Variants in ANO3 observed in about 807,000 individuals in gnomAD.
ANO3 encodes anoctamin-3.
Under a neutral mutation model 144.8 loss-of-function variants are expected in ANO3, and 99 were observed. The ratio of observed to expected loss-of-function variants is 0.68; its 90% CI spans 0.58 to 0.81. The LOEUF (loss-of-function observed/expected upper bound fraction) is 0.81, where lower values mean the gene tolerates loss of function less well. Ranked by LOEUF, ANO3 falls within the 30% of genes least tolerant of loss-of-function variation. The pLI, the probability that ANO3 is intolerant of heterozygous loss-of-function variation, is 0.00. For missense variants in ANO3, 905 were observed against 1,202.2 expected (o/e 0.75, Z 3.66); for synonymous variants, 414 against 392.6 (o/e 1.05, Z -0.64).
chr11:26,422,079 C>T (rs938728753), intron 1 of ANO3, among the ~76,000 whole-genome samples: 1 of 152,024 alleles, frequency 6.6e-6, no homozygotes, highest in African/African-American at 2.4e-5. Context: ...CAAACCTGAA[C>T]TTGTACCCCT....
In ANO3 at chr11:26,442,130, T is replaced by G; in HGVS notation, c.241+18T>G. 1.2e-6 allele frequency: 2 copies of G among 1,601,348 alleles called. No individual in the cohort carries two copies. The highest frequency in any genetic ancestry group is 1.7e-6 in the Non-Finnish European group (2 of 1,175,958). Reference sequence around the variant, plus strand: ...AGAGCAAGGTGAGCAGCAATTCCTATTTTCTTGTTCAATTTATAAAAACTA... The same window carrying G: ...AGAGCAAGGTGAGCAGCAATTCCTAGTTTCTTGTTCAATTTATAAAAACTA... On this transcript the variant is annotated intron_variant, in intron 2 of 26. Transcript: ENST00000256737.
intron 14 of ANO3, among the ~76,000 whole-genome samples, chr11:26,577,559 C>T (rs1301286207): frequency 1.1e-5 from 1 of 88,020 alleles, no homozygotes; most frequent in African/African-American, 3.9e-5. Flanking sequence ...AGAGAGACTC[C>T]GTCTCAAAAA....
intron 1 of ANO3, among the ~76,000 whole-genome samples, chr11:26,223,088 G>A (rs1852181947): frequency 6.6e-6 from 1 of 151,702 alleles, no homozygotes; most frequent in Non-Finnish European, 1.5e-5. Flanking sequence ...AATTTTCCAG[G>A]CTTTTCTGCT....
chr11:26,456,647 C>G (rs1330886666), intron 3 of ANO3, among the ~76,000 whole-genome samples: 2 of 104,272 alleles, frequency 1.9e-5, no homozygotes, highest in Non-Finnish European at 1.9e-5. Context: ...CTAGTTCAAC[C>G]ATTGTGGAAG....
intron 14 of ANO3, among the ~76,000 whole-genome samples, chr11:26,569,565 G>C (rs917011158): frequency 3.3e-5 from 5 of 152,012 alleles, no homozygotes; most frequent in African/African-American, 1.2e-4. Context: ...GCTGGAGTAA[G>C]GTCCAGGAGA....
At chr11:26,304,278 C>A (rs192609963) in intron 1 of ANO3, among the ~76,000 whole-genome samples, 8 of 151,982 alleles carry the variant, frequency 5.3e-5, no homozygotes, top group African/African-American at 1.9e-4. Context: ...ATGTTGAGTA[C>A]CTATAGCAAT....
chr11:26,542,287 G>A (rs1849666823), intron 11 of ANO3, among the ~76,000 whole-genome samples: 2 of 152,054 alleles, frequency 1.3e-5, no homozygotes, highest in Admixed American at 1.3e-4. Context: ...TCTAAGGGAT[G>A]AGCAACAGCA....
intron 1 of ANO3, among the ~76,000 whole-genome samples, chr11:26,269,426 G>C (rs564713424): frequency 1.3e-5 from 2 of 152,070 alleles, no homozygotes; most frequent in African/African-American, 4.8e-5. Context: ...ATCTCTCTTG[G>C]GGCTCTCTCA....
chr11:26,293,058 AT>A (rs774015818), intron 1 of ANO3, among the ~76,000 whole-genome samples: 1 of 152,184 alleles, frequency 6.6e-6, no homozygotes, highest in Non-Finnish European at 1.5e-5. Flanking sequence ...CCCACCCCAT[AT>A]CTTTAAATTA....
intron 1 of ANO3, among the ~76,000 whole-genome samples, chr11:26,238,365 A>G (rs10834931): frequency 1.3e-5 from 2 of 152,106 alleles, no homozygotes; most frequent in African/African-American, 4.8e-5. Flanking sequence ...TTATTTTGAA[A>G]TATGTTCAAA....
chr11:26,368,230 G>A (rs1856148150), intron 1 of ANO3, among the ~76,000 whole-genome samples: 1 of 152,154 alleles, frequency 6.6e-6, no homozygotes, highest in Admixed American at 6.5e-5. Context: ...AAAGTGCTGA[G>A]AGAGCTCTCT....
chr11:26,193,006 C>CA, intron 1 of ANO3, among the ~76,000 whole-genome samples: 1 of 152,130 alleles, frequency 6.6e-6, no homozygotes, highest in East Asian at 1.9e-4. Flanking sequence ...TGGTTTGCTG[C>CA]ACCCATCAAC....
upstream of ANO3, among the ~76,000 whole-genome samples, chr11:26,329,831 G>A (rs1025809494): frequency 2.1e-5 from 2 of 96,426 alleles, no homozygotes; most frequent in Admixed American, 2.2e-4. Context: ...TTTTTTTTTT[G>A]AGACGGAGTC....
intron 1 of ANO3, among the ~76,000 whole-genome samples, chr11:26,419,090 C>T (rs958381819): frequency 3.3e-5 from 5 of 151,432 alleles, no homozygotes; most frequent in Non-Finnish European, 7.4e-5. Context: ...TCTGGGGAAG[C>T]CTCAGGAAAC....
intron 4 of ANO3, among the ~76,000 whole-genome samples, chr11:26,463,371 A>G (rs549368238): frequency 1.3e-5 from 2 of 151,974 alleles, no homozygotes; most frequent in South Asian, 4.1e-4. Flanking sequence ...AAAATACTTA[A>G]TCTGAAATGT....
chr11:26,516,206 C>G (rs984135082), intron 5 of ANO3, among the ~76,000 whole-genome samples: 3 of 151,720 alleles, frequency 2.0e-5, no homozygotes, highest in Admixed American at 1.3e-4. Context: ...ATACTTGACT[C>G]TGCTTAAAAA....
At chr11:26,459,786 G>A in intron 3 of ANO3, among the ~76,000 whole-genome samples, 1 of 152,056 alleles carries the variant, frequency 6.6e-6, no homozygotes, top group East Asian at 1.9e-4. Flanking sequence ...TGAAGGATTT[G>A]ATGTAGGGTA....
intron 1 of ANO3, among the ~76,000 whole-genome samples, chr11:26,373,637 C>A (rs1199623093): frequency 6.6e-6 from 1 of 152,146 alleles, no homozygotes; most frequent in Non-Finnish European, 1.5e-5. Flanking sequence ...CTTTTGTGAT[C>A]CTCAACAAGT....
intron 3 of ANO3, among the ~76,000 whole-genome samples, chr11:26,456,120 C>T (rs1270350839): frequency 6.6e-6 from 1 of 152,018 alleles, no homozygotes; most frequent in East Asian, 1.9e-4. Flanking sequence ...CCATAAAAAC[C>T]CTAGAAGAAA....
Sources: gnomAD v4.1 joint callset for allele counts (sites outside exome capture counted in the v4.1 genomes callset) on GRCh38, gnomAD v4.1.1 for gene constraint, MANE v1.5 for transcripts, NCBI Gene and HGNC (gene_info 2026-07-23, HGNC 2026-07-21) for gene names.